The following SKAP2 variants were observed in gnomAD, a reference collection of about 807,000 sequenced individuals.
The protein encoded by SKAP2 is src kinase associated phosphoprotein 2, also known as src kinase-associated phosphoprotein 2.
SKAP2 carries 28 observed loss-of-function variants against 54.9 expected under a neutral mutation model. The observed-to-expected ratio is 0.51, with a 90% CI of 0.38 to 0.70. The LOEUF (loss-of-function observed/expected upper bound fraction) is 0.70, where lower values mean the gene tolerates loss of function less well. Among genes scored for constraint, SKAP2 ranks in the 30% least tolerant of loss-of-function variants. The probability of loss-of-function intolerance (pLI) is 0.00; values close to 1 mark genes in which losing one functional copy is unlikely to be tolerated. For missense variants in SKAP2, 356 were observed against 424.1 expected (o/e 0.84, Z 1.41); for synonymous variants, 137 against 134.3 (o/e 1.02, Z -0.14).
chr7:26,671,050 T>C (rs1786225123), intron 11 of SKAP2, among the ~76,000 whole-genome samples: 1 of 152,104 alleles, frequency 6.6e-6, no homozygotes, highest in South Asian at 2.1e-4. Flanking sequence ...TCTCCCACTT[T>C]TTCCTCCTTT....
At chr7:26,734,711 G>T (rs565438517) in intron 6 of SKAP2, among the ~76,000 whole-genome samples, 10 of 152,260 alleles carry the variant, frequency 6.6e-5, no homozygotes, top group African/African-American at 2.2e-4. Context: ...CAGAAGAGTT[G>T]AATGCTGTAC....
At chr7:26,816,340 T>C (rs73067472) in intron 4 of SKAP2, among the ~76,000 whole-genome samples, 26,168 of 152,016 alleles carry the variant, frequency 0.17, 2,788 homozygotes, top group Non-Finnish European at 0.23. Context: ...GAGCTTATGC[T>C]GAGAAAAAAT....
At chr7:26,858,574 A>G (rs1011080259) in intron 1 of SKAP2, among the ~76,000 whole-genome samples, 1 of 152,220 alleles carries the variant, frequency 6.6e-6, no homozygotes, top group Admixed American at 6.5e-5. Context: ...CAAACACACC[A>G]AATCACTGAA....
chr7:26,659,975 C>A, the SKAP2 span, among the ~76,000 whole-genome samples: 128 of 152,072 alleles, frequency 8.4e-4, no homozygotes, highest in Non-Finnish European at 1.6e-3. Context: ...TTGCTTTACC[C>A]TTTTCTTCAA....
At chr7:26,724,728 CAT>C (rs1787660641) in intron 9 of SKAP2, among the ~76,000 whole-genome samples, 2 of 152,046 alleles carry the variant, frequency 1.3e-5, no homozygotes. Context: ...TAAATGTTTT[CAT>C]ATGTTTCCTA....
chr7:26,735,203 G>GA (rs1005814359), intron 6 of SKAP2, among the ~76,000 whole-genome samples: 2 of 151,942 alleles, frequency 1.3e-5, no homozygotes, highest in African/African-American at 4.8e-5. Context: ...ACAAGTGCCT[G>GA]AAAAAATATT....
At chr7:26,692,767 T>C (rs1786812623) in intron 9 of SKAP2, among the ~76,000 whole-genome samples, 1 of 152,188 alleles carries the variant, frequency 6.6e-6, no homozygotes, top group Non-Finnish European at 1.5e-5. Context: ...AATGGGTTAA[T>C]AGGGTGTTTC....
downstream of SKAP2, among the ~76,000 whole-genome samples, chr7:26,666,418 G>A (rs112556976): frequency 3.9e-5 from 6 of 152,256 alleles, 1 homozygote; most frequent in African/African-American, 1.4e-4. Context: ...AAGTAGTAGA[G>A]TGCAGAAATT....
chr7:26,703,751 A>C (rs1304152187), intron 9 of SKAP2, among the ~76,000 whole-genome samples: 1 of 152,218 alleles, frequency 6.6e-6, no homozygotes, highest in Non-Finnish European at 1.5e-5. Flanking sequence ...ACTGTGTACT[A>C]AACACCACTA....
chr7:26,724,374 T>C (rs1787651239), intron 9 of SKAP2, among the ~76,000 whole-genome samples: 1 of 152,162 alleles, frequency 6.6e-6, no homozygotes, highest in African/African-American at 2.4e-5. Flanking sequence ...TTCCATTTTA[T>C]AAATGAAGAA....
intron 10 of SKAP2, among the ~76,000 whole-genome samples, chr7:26,688,239 A>G (rs971939000): frequency 1.3e-5 from 2 of 152,154 alleles, no homozygotes; most frequent in African/African-American, 4.8e-5. Flanking sequence ...AGAAAGGTAA[A>G]TATATTCTAT....
chr7:26,740,556 C>A (rs1782416531), intron 4 of SKAP2, among the ~76,000 whole-genome samples: 1 of 152,012 alleles, frequency 6.6e-6, no homozygotes, highest in South Asian at 2.1e-4. Flanking sequence ...CTATTATAAA[C>A]AAATACTGGA....
downstream of SKAP2, among the ~76,000 whole-genome samples, chr7:26,662,830 G>A (rs1233695204): frequency 6.6e-6 from 1 of 152,140 alleles, no homozygotes; most frequent in Non-Finnish European, 1.5e-5. Flanking sequence ...CCAGAAAGCA[G>A]AGGGCACACT....
intron 11 of SKAP2, among the ~76,000 whole-genome samples, chr7:26,670,469 CCTT>C (rs1320028555): frequency 6.6e-6 from 1 of 151,954 alleles, no homozygotes; most frequent in Non-Finnish European, 1.5e-5. Context: ...CCTCAGGAAG[CCTT>C]CTCTCGGGGA....
rs35995014 is a variant in SKAP2, at chr7:26,864,055, TCACACA to T, written c.67+302_67+307del. Among the ~76,000 whole-genome samples, 243 of 143,434 alleles carry T rather than the reference TCACACA, an allele frequency of 1.7e-3. 1 individual carries two copies. The highest frequency in any genetic ancestry group is 3.0e-3 in the Non-Finnish European group (195 of 65,898). 94.1% of individuals were successfully genotyped at this position (143,434 alleles called of 152,430 possible). A position where few individuals can be genotyped will look rare whatever the true frequency, so the allele number is the denominator to read the frequency against. On this transcript the variant is annotated intron_variant, in intron 1 of 12. Coordinates refer to ENST00000345317, the MANE Select transcript of SKAP2 (RefSeq NM_003930.5). Reference sequence around the variant, plus strand: ...CCACTCTTCCTCCCCCGCCCTTCTGTCACACACACACACACACACACACACACACCG... The same window carrying T: ...CCACTCTTCCTCCCCCGCCCTTCTGTCACACACACACACACACACACACCG...
At chr7:26,741,319 C>T (rs1782440371) in intron 4 of SKAP2, among the ~76,000 whole-genome samples, 3 of 151,880 alleles carry the variant, frequency 2.0e-5, no homozygotes, top group Non-Finnish European at 2.9e-5. Flanking sequence ...GAGTTTGACA[C>T]CAGCTTGGGT....
intron 11 of SKAP2, among the ~76,000 whole-genome samples, chr7:26,671,979 G>A (rs912529558): frequency 1.3e-5 from 2 of 152,000 alleles, no homozygotes; most frequent in African/African-American, 4.8e-5. Flanking sequence ...AGATTTCAAA[G>A]TGGATAATTA....
chr7:26,714,579 T>C (rs1584346978), intron 9 of SKAP2, among the ~76,000 whole-genome samples: 1 of 152,212 alleles, frequency 6.6e-6, no homozygotes, highest in East Asian at 1.9e-4. Flanking sequence ...CTTATATTTA[T>C]CACTGACATT....
chr7:26,831,257 A>G (rs552459897), intron 4 of SKAP2, among the ~76,000 whole-genome samples: 1 of 152,284 alleles, frequency 6.6e-6, no homozygotes, highest in African/African-American at 2.4e-5. Flanking sequence ...TTACATGCTC[A>G]TTACTCAAAA....
Sources: allele counts gnomAD v4.1 joint callset (sites outside exome capture counted in the v4.1 genomes callset), GRCh38; gene constraint gnomAD v4.1.1; transcripts MANE v1.5; gene names NCBI Gene and HGNC (gene_info 2026-07-23, HGNC 2026-07-21).